The following GPR39 variants were observed in gnomAD, a reference collection of about 807,000 sequenced individuals.
GPR39 encodes the protein G protein-coupled receptor 39, also known as zinc sensing receptor.
Under a neutral mutation model 18.4 loss-of-function variants are expected in GPR39, and 23 were observed. The ratio of observed to expected loss-of-function variants is 1.25; its 90% confidence interval spans 0.90 to 1.77. GPR39 has a LOEUF of 1.77. GPR39 is among the 40% of genes most tolerant of loss of function. The pLI is 0.00. For synonymous variants in GPR39, 280 were observed against 257.9 expected (o/e 1.09, Z -0.82); for missense variants, 647 against 602.4 (o/e 1.07, Z -0.78).
At chr2:132,430,320 A>T (rs1680202992) in intron 1 of GPR39, among the ~76,000 whole-genome samples, 1 of 152,174 alleles carries the variant, frequency 6.6e-6, no homozygotes, top group African/African-American at 2.4e-5. Flanking sequence ...GGTGACTCCA[A>T]TGTGTAGCCA....
At chr2:132,436,668 C>G (rs1457862150) in intron 1 of GPR39, among the ~76,000 whole-genome samples, 2 of 152,088 alleles carry the variant, frequency 1.3e-5, no homozygotes, top group Non-Finnish European at 2.9e-5. Context: ...TGATTATATT[C>G]AGCTTAGTAA....
intron 1 of GPR39, among the ~76,000 whole-genome samples, chr2:132,630,107 G>GACATAC (rs1681621616): frequency 6.6e-6 from 1 of 152,162 alleles, no homozygotes; most frequent in Admixed American, 6.5e-5. Context: ...TGCAGACGCA[G>GACATAC]ACATAGACAT....
intron 1 of GPR39, among the ~76,000 whole-genome samples, chr2:132,526,101 A>G (rs1226483007): frequency 6.6e-6 from 1 of 152,208 alleles, no homozygotes; most frequent in Non-Finnish European, 1.5e-5. Context: ...GACCAACCTG[A>G]TATGAGGCTA....
intron 1 of GPR39, among the ~76,000 whole-genome samples, chr2:132,500,975 C>A (rs1267932509): frequency 6.7e-6 from 1 of 148,424 alleles, no homozygotes; most frequent in Non-Finnish European, 1.5e-5. Flanking sequence ...CTCTTCCTTT[C>A]TTGGCTATTC....
chr2:132,535,239 A>G (rs2104779858), intron 1 of GPR39, among the ~76,000 whole-genome samples: 1 of 152,290 alleles, frequency 6.6e-6, no homozygotes, highest in South Asian at 2.1e-4. Context: ...GATATGTTCC[A>G]TCAATACCTA....
intron 1 of GPR39, among the ~76,000 whole-genome samples, chr2:132,555,492 G>C (rs1046163156): frequency 1.3e-5 from 2 of 152,176 alleles, no homozygotes; most frequent in Non-Finnish European, 2.9e-5. Context: ...GCAAGTTGGT[G>C]CTGGGGCTAC....
intron 1 of GPR39, among the ~76,000 whole-genome samples, chr2:132,439,425 T>G (rs1238715024): frequency 6.6e-6 from 1 of 152,222 alleles, no homozygotes; most frequent in Non-Finnish European, 1.5e-5. Flanking sequence ...ATTATCCTGT[T>G]GAAAGGCTGC....
chr2:132,432,660 G>A (rs117552365), intron 1 of GPR39, among the ~76,000 whole-genome samples: 25 of 152,274 alleles, frequency 1.6e-4, no homozygotes, highest in East Asian at 3.9e-4. Flanking sequence ...ACATTTTTCA[G>A]CCTACTGCAG....
chr2:132,465,197 A>G lies in GPR39; in HGVS notation c.856+47299A>G, dbSNP rs906504893. 2.6e-5 allele frequency among the ~76,000 whole-genome samples: 4 copies of G among 152,228 alleles called. No individual in the cohort carries two copies. The East Asian group carries it at 5.8e-4, about 22-fold the overall frequency. Reference sequence around the variant, plus strand: ...AAGGTTAAAACAAAAGCAAAAAAAAAAGAAAGAAGTCCCTTTGTCCTGATC... The same window carrying G: ...AAGGTTAAAACAAAAGCAAAAAAAAGAGAAAGAAGTCCCTTTGTCCTGATC... On this transcript the variant is annotated intron_variant, in intron 1 of 1. Coordinates refer to ENST00000329321, the MANE Select transcript of GPR39 (RefSeq NM_001508.3).
At chr2:132,567,599 C>A (rs1171533321) in intron 1 of GPR39, among the ~76,000 whole-genome samples, 1 of 152,094 alleles carries the variant, frequency 6.6e-6, no homozygotes, top group African/African-American at 2.4e-5. Flanking sequence ...AATTTCTTTT[C>A]TTTATAAATT....
chr2:132,447,274 G>C (rs927070741), intron 1 of GPR39, among the ~76,000 whole-genome samples: 17 of 152,124 alleles, frequency 1.1e-4, no homozygotes, highest in African/African-American at 4.1e-4. Flanking sequence ...CCAGAGCCTA[G>C]GAGCTATTAG....
chr2:132,601,583 G>A (rs1681043104), intron 1 of GPR39, among the ~76,000 whole-genome samples: 1 of 152,008 alleles, frequency 6.6e-6, no homozygotes, highest in Non-Finnish European at 1.5e-5. Context: ...CCTCACCAGA[G>A]TAATTAGATA....
chr2:132,490,902 G>A (rs16832160), intron 1 of GPR39, among the ~76,000 whole-genome samples: 6,357 of 152,190 alleles, frequency 0.042, 443 homozygotes, highest in African/African-American at 0.14. Context: ...GATGATAAAC[G>A]TGTGAGGGCT....
intron 1 of GPR39, among the ~76,000 whole-genome samples, chr2:132,590,364 A>G (rs1680805466): frequency 6.6e-6 from 1 of 152,136 alleles, no homozygotes; most frequent in Non-Finnish European, 1.5e-5. Flanking sequence ...ACATGTGCAC[A>G]TTCACACAGA....
chr2:132,570,915 G>C (rs530364025), intron 1 of GPR39, among the ~76,000 whole-genome samples: 1 of 152,314 alleles, frequency 6.6e-6, no homozygotes, highest in East Asian at 1.9e-4. Context: ...CCTTGAAAGG[G>C]TGGGGCCTAT....
chr2:132,586,815 G>A (rs1573683208), intron 1 of GPR39, among the ~76,000 whole-genome samples: 1 of 152,214 alleles, frequency 6.6e-6, no homozygotes, highest in Non-Finnish European at 1.5e-5. Context: ...GATTCTCGAT[G>A]TCTTTCTTCA....
chr2:132,642,436 C>T (rs1016021539), intron 1 of GPR39, among the ~76,000 whole-genome samples: 6 of 152,160 alleles, frequency 3.9e-5, no homozygotes, highest in African/African-American at 1.4e-4. Flanking sequence ...CCTGCCTTTG[C>T]CTTGTACCTG....
At chr2:132,573,061 C>T (rs1680468078) in intron 1 of GPR39, among the ~76,000 whole-genome samples, 1 of 152,096 alleles carries the variant, frequency 6.6e-6, no homozygotes, top group Non-Finnish European at 1.5e-5. Flanking sequence ...TGGCCATGGG[C>T]TGTATGTCCC....
chr2:132,595,088 G>A (rs545498184), intron 1 of GPR39, among the ~76,000 whole-genome samples: 11 of 152,146 alleles, frequency 7.2e-5, no homozygotes, highest in East Asian at 3.9e-4. Context: ...AGCCTCCGCC[G>A]CACAGGCTTA....
Sources: allele counts gnomAD v4.1 joint callset (sites outside exome capture counted in the v4.1 genomes callset), GRCh38; gene constraint gnomAD v4.1.1; transcripts MANE v1.5; gene names NCBI Gene and HGNC (gene_info 2026-07-23, HGNC 2026-07-21).